The following PKD2L2 variants were observed in gnomAD, a reference collection of about 807,000 sequenced individuals.
PKD2L2 encodes polycystin 2 like 2, transient receptor potential cation channel.
In PKD2L2, 67 loss-of-function variants were observed where a neutral mutation model predicts 83.9. The ratio of observed to expected loss-of-function variants is 0.80; its 90% CI spans 0.66 to 0.98. PKD2L2 has a LOEUF of 0.98. Among genes scored for constraint, PKD2L2 ranks in the 50% least tolerant of loss-of-function variants. The pLI, the probability that PKD2L2 is intolerant of heterozygous loss-of-function variation, is 0.00. For synonymous variants in PKD2L2, 223 were observed against 237.8 expected (o/e 0.94, Z 0.57); for missense variants, 632 against 717.2 (o/e 0.88, Z 1.36).
chr5:137,923,001 T>C (rs1160895230), intron 9 of PKD2L2, among the ~76,000 whole-genome samples: 1 of 151,836 alleles, frequency 6.6e-6, no homozygotes, highest in African/African-American at 2.4e-5. Context: ...TTTTGTTGTT[T>C]TTCCTTTTTC....
At chr5:137,922,733 G>A (rs1759026982) in intron 9 of PKD2L2, among the ~76,000 whole-genome samples, 1 of 152,012 alleles carries the variant, frequency 6.6e-6, no homozygotes. Flanking sequence ...GTGGGACCCT[G>A]TCTCAAAAAC....
intron 9 of PKD2L2, among the ~76,000 whole-genome samples, chr5:137,923,006 T>C (rs1561699771): frequency 6.6e-6 from 1 of 151,536 alleles, no homozygotes; most frequent in African/African-American, 2.4e-5. Context: ...TTGTTTTTCC[T>C]TTTTCTTTTC....
chr5:137,936,246 C>T (rs370690083), intron 13 of PKD2L2, 74 bp from the exon 14 acceptor site: 31 of 1,332,494 alleles, frequency 2.3e-5, no homozygotes, highest in East Asian at 1.8e-4. Context: ...CAAAGCATTT[C>T]GCACTAGTAA....
rs1164779542 is a variant in PKD2L2 at position 137,897,031 on chromosome 5, TTA to T, written c.524+2426_524+2427del. ...CATTCATAAGTATGATGATACATTA[TTA>T]TATTATTATTATTATTATTATTATT... On this transcript the variant is annotated intron_variant, in intron 4 of 14. Transcript: ENST00000508883. 2.1e-3 allele frequency among the ~76,000 whole-genome samples: 197 copies of T among 95,752 alleles called. 4 individuals carry two copies. The highest frequency in any genetic ancestry group is 0.013 in the Middle Eastern group (3 of 226). 62.8% of individuals were successfully genotyped at this position (95,752 alleles called of 152,430 possible). A position where few individuals can be genotyped will look rare whatever the true frequency, so the allele number is the denominator to read the frequency against.
rs1755876190 is a variant in PKD2L2 at position 137,890,573 on chromosome 5, C to CT, written c.125dup (p.Cys43MetfsTer31). 2 of 1,340,036 alleles carry CT rather than the reference C, an allele frequency of 1.5e-6. No homozygotes were observed. The highest frequency in any genetic ancestry group is 2.1e-6 in the Non-Finnish European group (2 of 946,604). 83.0% of individuals were successfully genotyped at this position (1,340,036 alleles called of 1,614,324 possible). A position where few individuals can be genotyped will look rare whatever the true frequency, so the allele number is the denominator to read the frequency against. On this transcript the variant is annotated frameshift_variant, in exon 2 of 15. Coordinates refer to ENST00000508883, the MANE Select transcript of PKD2L2 (RefSeq NM_001300921.2). LOFTEE classifies it high-confidence loss of function. Reference sequence around the variant, plus strand: ...ACTCTACTTTATTTTTTTAATAAACCTATGTATATGTAAGTACACAGATAT... The same window carrying CT: ...ACTCTACTTTATTTTTTTAATAAACCTTATGTATATGTAAGTACACAGATAT...
At chr5:137,942,073 G>A (rs1762004696) in intron 14 of PKD2L2, 1 of 1,536,760 alleles carries the variant, frequency 6.5e-7, no homozygotes, top group Non-Finnish European at 9.0e-7. Flanking sequence ...AAATACTGAA[G>A]GGCACACTTG....
chr5:137,913,257 C>T (rs1257034439), intron 8 of PKD2L2, among the ~76,000 whole-genome samples: 1 of 148,500 alleles, frequency 6.7e-6, no homozygotes, highest in Non-Finnish European at 1.5e-5. Context: ...GATCTCAGCT[C>T]ACTGCAGCCT....
chr5:137,931,289 A>G (rs1038947007), intron 12 of PKD2L2, among the ~76,000 whole-genome samples: 1 of 152,204 alleles, frequency 6.6e-6, no homozygotes, highest in Admixed American at 6.5e-5. Flanking sequence ...GTTTCAAGCT[A>G]TTTAAGCTAT....
At position 137,893,330 on chromosome 5, in the gene PKD2L2, C is replaced by T. The variant is rs571321572; in HGVS notation, c.267+717C>T. ...TATAATTTCATGGTGTTTTTACTTA[C>T]GTAAGGGAATCATTCCTTCAGCAGT... On this transcript the variant is annotated intron_variant, in intron 3 of 14. Transcript: ENST00000508883. Among the ~76,000 whole-genome samples the T allele has an allele frequency of 3.9e-5, 6 of 152,138 alleles. No individual in the cohort carries two copies. The South Asian group carries it at 8.3e-4, about 21-fold the overall frequency.
chr5:137,931,470 C>T (rs897654269), intron 12 of PKD2L2, among the ~76,000 whole-genome samples: 2 of 151,980 alleles, frequency 1.3e-5, no homozygotes, highest in Non-Finnish European at 2.9e-5. Flanking sequence ...TAACAGCACA[C>T]AATAATATAT....
chr5:137,930,664 T>TAAAAA (rs554720958), intron 12 of PKD2L2, among the ~76,000 whole-genome samples: 1 of 84,656 alleles, frequency 1.2e-5, no homozygotes, highest in Non-Finnish European at 2.4e-5. Flanking sequence ...AGACTCCATC[T>TAAAAA]AAAAAAAAAA....
intron 12 of PKD2L2, among the ~76,000 whole-genome samples, chr5:137,933,214 C>G (rs1760030822): frequency 6.6e-6 from 1 of 152,136 alleles, no homozygotes; most frequent in African/African-American, 2.4e-5. Flanking sequence ...AACAGTTGGT[C>G]CATTCCACTC....
intron 14 of PKD2L2, chr5:137,941,818 T>A (rs1024520518): frequency 9.4e-6 from 7 of 747,598 alleles, no homozygotes; most frequent in African/African-American, 7.1e-5. Flanking sequence ...AGGAATGTTT[T>A]AAAATTTTTC....
intron 4 of PKD2L2, among the ~76,000 whole-genome samples, chr5:137,899,257 C>T (rs1756748918): frequency 6.6e-6 from 1 of 152,148 alleles, no homozygotes; most frequent in Non-Finnish European, 1.5e-5. Context: ...GGTGGGACTA[C>T]AGGCACATGC....
intron 2 of PKD2L2, among the ~76,000 whole-genome samples, chr5:137,891,553 A>G (rs1235208859): frequency 1.3e-5 from 2 of 152,214 alleles, no homozygotes; most frequent in African/African-American, 2.4e-5. Context: ...TATGAAAACT[A>G]CATGCTTACT....
intron 11 of PKD2L2, 146 bp from the exon 12 acceptor site, chr5:137,925,729 T>C (rs564116371): frequency 4.0e-4 from 212 of 524,512 alleles, no homozygotes; most frequent in Non-Finnish European, 9.0e-5. Flanking sequence ...TCTGAAGAGC[T>C]TGTTAATGAT....
rs773298108 is a variant in PKD2L2, at chr5:137,906,450, T to C, written c.975+16T>C. 1.1e-5 allele frequency: 15 copies of C among 1,330,048 alleles called. No individual in the cohort carries two copies. Among genetic ancestry groups the C allele is most frequent in the Non-Finnish European group, 1.5e-5 (14 of 933,256 alleles). The allele number at this position is 1,330,048 out of a possible 1,614,324, so 82.4% of individuals were successfully genotyped here. A position where few individuals can be genotyped will look rare whatever the true frequency, so the allele number is the denominator to read the frequency against. ...ACTTTTGCTGGTGAGTATATATTCATGTGTATGGTTGAAGGGGATCACATC... is the reference window on the plus strand; with the variant it reads ...ACTTTTGCTGGTGAGTATATATTCACGTGTATGGTTGAAGGGGATCACATC... On this transcript the variant is annotated intron_variant, in intron 6 of 14. Coordinates refer to ENST00000508883, the MANE Select transcript of PKD2L2 (RefSeq NM_001300921.2).
chr5:137,935,655 G>A (rs1012258669), intron 12 of PKD2L2, 142 bp from the exon 13 acceptor site: 1 of 589,140 alleles, frequency 1.7e-6, no homozygotes, highest in African/African-American at 1.9e-5. Flanking sequence ...AATCTAGGCA[G>A]GGCAAAAAGT....
intron 10 of PKD2L2, 137 bp downstream of exon 10, chr5:137,923,658 T>C (rs1759126817): frequency 3.2e-6 from 2 of 633,940 alleles, no homozygotes; most frequent in Non-Finnish European, 5.7e-6. Flanking sequence ...AGGGTTTGTT[T>C]TGTGTTTTGA....
Sources: allele counts gnomAD v4.1 joint callset (sites outside exome capture counted in the v4.1 genomes callset), GRCh38; gene constraint gnomAD v4.1.1; transcripts MANE v1.5; gene names NCBI Gene and HGNC (gene_info 2026-07-23, HGNC 2026-07-21).